Variants in CREB3L2 observed in about 807,000 individuals in gnomAD.
CREB3L2 encodes cyclic AMP-responsive element-binding protein 3-like protein 2.
Under a neutral mutation model 57.2 loss-of-function variants are expected in CREB3L2, and 23 were observed. That is an observed-to-expected ratio of 0.40 (90% confidence interval 0.29 to 0.57). The LOEUF is 0.57. Among genes scored for constraint, CREB3L2 ranks in the 20% least tolerant of loss-of-function variants. The pLI, the probability that CREB3L2 is intolerant of heterozygous loss-of-function variation, is 0.42. For synonymous variants in CREB3L2, 268 were observed against 265.1 expected (o/e 1.01, Z -0.11); for missense variants, 628 against 634.7 (o/e 0.99, Z 0.11).
intron 1 of CREB3L2, among the ~76,000 whole-genome samples, chr7:137,973,685 CCTA>C (rs57480124): frequency 0.37 from 37,450 of 102,044 alleles, 6,655 homozygotes; most frequent in African/African-American, 0.63. Flanking sequence ...CAAGAGGGAC[CCTA>C]CTAGTCAGCC....
At chr7:137,953,214 G>A (rs889578449) in intron 1 of CREB3L2, 35 of 304,486 alleles carry the variant, frequency 1.1e-4, no homozygotes, top group Non-Finnish European at 3.3e-5. Flanking sequence ...AAACAAGAGA[G>A]CTCAGGGTTA....
rs779846553 is a variant in CREB3L2 at position 137,998,264 on chromosome 7, A to G, written c.102+3340T>C. Among the ~76,000 whole-genome samples, 70 of 152,360 alleles carry G rather than the reference A, an allele frequency of 4.6e-4. 1 individual carries two copies. The highest frequency in any genetic ancestry group is 1.6e-3 in the Admixed American group (25 of 15,302). Reference sequence around the variant, plus strand: ...AACATCATAATCTCAGCCTTGGGTAACTTGAACATTCTAAATTGTTTAAAT... The same window carrying G: ...AACATCATAATCTCAGCCTTGGGTAGCTTGAACATTCTAAATTGTTTAAAT... On this transcript the variant is annotated intron_variant, in intron 1 of 11. Coordinates refer to ENST00000330387, the MANE Select transcript of CREB3L2 (RefSeq NM_194071.4).
intron 9 of CREB3L2, 34 bp downstream of exon 9, chr7:137,885,369 G>A: frequency 6.4e-7 from 1 of 1,558,180 alleles, no homozygotes; most frequent in Non-Finnish European, 8.8e-7. Flanking sequence ...CCAGGCCAGG[G>A]GCGGTCACTG....
chr7:137,949,716 T>C (rs1210951001), intron 1 of CREB3L2, among the ~76,000 whole-genome samples: 1 of 152,230 alleles, frequency 6.6e-6, no homozygotes, highest in Non-Finnish European at 1.5e-5. Flanking sequence ...TTTGGAACAT[T>C]TGTGTTTCTC....
Position 137,875,407 on chromosome 7 carries a change from G to A in CREB3L2, c.*5069C>T. 1 of 220,884 alleles carries A rather than the reference G, an allele frequency of 4.5e-6. No individual in the cohort carries two copies. Among genetic ancestry groups the A allele is most frequent in the Non-Finnish European group, 9.1e-6 (1 of 110,296 alleles). 13.7% of individuals were successfully genotyped at this position (220,884 alleles called of 1,614,324 possible). A position where few individuals can be genotyped will look rare whatever the true frequency, so the allele number is the denominator to read the frequency against. ...GTAGTGTAAGCCATGGGTACATGGT[G>A]CAAAAAGTTCATGTTCTCACTCAGC... On this transcript the variant is annotated 3_prime_UTR_variant, in exon 12 of 12. Transcript: ENST00000330387.
chr7:137,926,968 G>C (rs1248464920), intron 2 of CREB3L2, among the ~76,000 whole-genome samples: 1 of 152,014 alleles, frequency 6.6e-6, no homozygotes, highest in Admixed American at 6.6e-5. Context: ...GGGCAACATA[G>C]TGAGACCCCC....
intron 3 of CREB3L2, among the ~76,000 whole-genome samples, chr7:137,915,023 G>A (rs756883275): frequency 2.1e-4 from 32 of 152,046 alleles, no homozygotes; most frequent in Non-Finnish European, 3.5e-4. Context: ...CACCGTGCCC[G>A]GCTGCAGATA....
At chr7:137,922,485 T>TACAC (rs142520842) in intron 2 of CREB3L2, 8 of 178,098 alleles carry the variant, frequency 4.5e-5, no homozygotes, top group African/African-American at 6.3e-5. Context: ...CATATATATA[T>TACAC]ACACACACAC....
intron 1 of CREB3L2, among the ~76,000 whole-genome samples, chr7:137,938,421 C>T (rs1347150331): frequency 6.6e-6 from 1 of 152,146 alleles, no homozygotes; most frequent in Non-Finnish European, 1.5e-5. Context: ...TCTCGGCTCA[C>T]TGCAACCTCC....
intron 1 of CREB3L2, among the ~76,000 whole-genome samples, chr7:137,957,437 A>G (rs1332731760): frequency 6.6e-6 from 1 of 151,914 alleles, no homozygotes; most frequent in Non-Finnish European, 1.5e-5. Context: ...TAACATCACA[A>G]CCTCATTCCT....
chr7:137,882,780 T>C (rs2117173137), intron 10 of CREB3L2, 152 bp from the exon 11 acceptor site: 1 of 521,478 alleles, frequency 1.9e-6, no homozygotes, highest in South Asian at 3.9e-5. Flanking sequence ...TGGCTTTCTA[T>C]AAAGACTTTA....
Position 137,888,667 on chromosome 7 carries a change from C to A in CREB3L2, c.1044-3165G>T, listed in dbSNP as rs1291110571. 2.0e-5 allele frequency among the ~76,000 whole-genome samples: 3 copies of A among 152,106 alleles called. No homozygotes were observed. The East Asian group carries it at 5.8e-4, about 29-fold the overall frequency. On this transcript the variant is annotated intron_variant, in intron 8 of 11. Coordinates refer to ENST00000330387, the MANE Select transcript of CREB3L2 (RefSeq NM_194071.4). ...AAAGACCACATGGCTCAAACCCTTT[C>A]CTCTTATTGCCAACCACTCTCTATG... is the stretch of plus-strand genomic sequence containing the variant.
At chr7:137,893,707 G>A (rs1799565803) in intron 8 of CREB3L2, among the ~76,000 whole-genome samples, 3 of 152,182 alleles carry the variant, frequency 2.0e-5, no homozygotes, top group Admixed American at 2.0e-4. Flanking sequence ...TCAAGAACAA[G>A]AAAAGTAGAG....
chr7:137,901,386 C>T lies in CREB3L2; in HGVS notation c.1011G>A (p.Arg337=). 6.2e-7 allele frequency: 1 copy of T among 1,609,148 alleles called. No individual in the cohort carries two copies. Among genetic ancestry groups the T allele is most frequent in the South Asian group, 1.1e-5 (1 of 90,826 alleles). The change falls in exon 8 of 12, where the codon CGG becomes CGA. Residue 337 remains arginine, a synonymous_variant. Transcript: ENST00000330387. ...ESCSTENLEL[R]KKVEVLENTN... ...TGTTCTCTAGAACCTCTACCTTCTT[C>T]CGAAGCTCCAAGTTCTCAGTTGAAC...
chr7:137,904,038 G>A, intron 6 of CREB3L2, 21 bp from the exon 7 acceptor site: 1 of 1,596,294 alleles, frequency 6.3e-7, no homozygotes, highest in East Asian at 2.2e-5. Context: ...GGAGTGGGAG[G>A]AGAATGATTA....
chr7:137,877,701 C>T lies in CREB3L2; in HGVS notation c.*2775G>A. On this transcript the variant is annotated 3_prime_UTR_variant, in exon 12 of 12. Coordinates refer to ENST00000330387, the MANE Select transcript of CREB3L2 (RefSeq NM_194071.4). The stretch of plus-strand genomic sequence containing the variant: ...TGGCCGCTCTGACAGACTCGTATTT[C>T]TCAAAACTTACATTCAGAAGACACT... 1 of 227,552 alleles carries T rather than the reference C, an allele frequency of 4.4e-6. No individual in the cohort carries two copies. Among genetic ancestry groups the T allele is most frequent in the Non-Finnish European group, 8.7e-6 (1 of 114,656 alleles). The allele number at this position is 227,552 out of a possible 1,614,324, so 14.1% of individuals were successfully genotyped here. A position where few individuals can be genotyped will look rare whatever the true frequency, so the allele number is the denominator to read the frequency against.
At position 137,976,967 on chromosome 7, in the gene CREB3L2, G is replaced by A. The variant is rs746554539; in HGVS notation, c.102+24637C>T. Reference sequence around the variant, plus strand: ...ACACCCACACACAACATCAACCATCGACAAATGAAGCAAAGGCCAAGGAAT... The same window carrying A: ...ACACCCACACACAACATCAACCATCAACAAATGAAGCAAAGGCCAAGGAAT... On this transcript the variant is annotated intron_variant, in intron 1 of 11. Coordinates refer to ENST00000330387, the MANE Select transcript of CREB3L2 (RefSeq NM_194071.4). Among the ~76,000 whole-genome samples the A allele has an allele frequency of 4.5e-4, 68 of 152,252 alleles. 1 individual carries two copies. Among genetic ancestry groups the A allele is most frequent in the Admixed American group, 3.8e-3 (58 of 15,300 alleles).
chr7:137,965,282 T>C (rs182189841), intron 1 of CREB3L2, among the ~76,000 whole-genome samples: 1 of 152,330 alleles, frequency 6.6e-6, no homozygotes, highest in East Asian at 1.9e-4. Context: ...ATTTAGTCTG[T>C]CTCCTTCTGT....
At chr7:137,968,331 G>A (rs1315078709) in intron 1 of CREB3L2, among the ~76,000 whole-genome samples, 1 of 151,894 alleles carries the variant, frequency 6.6e-6, no homozygotes, top group Non-Finnish European at 1.5e-5. Context: ...ATTTACATTA[G>A]GTATTTCTCC....
Sources: gnomAD v4.1 joint callset for allele counts (sites outside exome capture counted in the v4.1 genomes callset) on GRCh38, gnomAD v4.1.1 for gene constraint, MANE v1.5 for transcripts, NCBI Gene and HGNC (gene_info 2026-07-23, HGNC 2026-07-21) for gene names.